Variants in IMMP2L observed in about 807,000 individuals in gnomAD.
The protein encoded by IMMP2L is inner mitochondrial membrane peptidase subunit 2.
Under a neutral mutation model 19.3 loss-of-function variants are expected in IMMP2L, and 18 were observed. The ratio of observed to expected loss-of-function variants is 0.93; its 90% CI spans 0.64 to 1.38. IMMP2L has a LOEUF of 1.38. IMMP2L is among the 40% of genes most tolerant of loss of function. The pLI is 0.00. For missense variants in IMMP2L, 233 were observed against 218.2 expected, an observed-to-expected ratio of 1.07 and a Z score of -0.43; for synonymous variants, 76 against 73.0, an observed-to-expected ratio of 1.04 and a Z score of -0.21.
intron 3 of IMMP2L, among the ~76,000 whole-genome samples, chr7:111,329,412 C>T (rs1825653877): frequency 6.6e-6 from 1 of 151,802 alleles, no homozygotes; most frequent in Non-Finnish European, 1.5e-5. Flanking sequence ...TGTGCTCCTG[C>T]CAGTAGCCTT....
At chr7:110,964,182 T>C (rs1819286706) in intron 3 of IMMP2L, among the ~76,000 whole-genome samples, 1 of 152,080 alleles carries the variant, frequency 6.6e-6, no homozygotes, top group Admixed American at 6.6e-5. Flanking sequence ...ATTAAACCTC[T>C]TTTCTTTATA....
intron 3 of IMMP2L, among the ~76,000 whole-genome samples, chr7:111,046,637 T>G (rs984394623): frequency 6.6e-6 from 1 of 152,148 alleles, no homozygotes; most frequent in Non-Finnish European, 1.5e-5. Flanking sequence ...GAATTAGAAC[T>G]CTATACCAGC....
At chr7:111,528,552 C>T (rs988791423) in intron 1 of IMMP2L, among the ~76,000 whole-genome samples, 6 of 152,184 alleles carry the variant, frequency 3.9e-5, no homozygotes, top group Admixed American at 1.3e-4. Flanking sequence ...CTTGGTGATG[C>T]TGACCTCAAC....
At chr7:110,691,875 A>G (rs1378989291) in intron 5 of IMMP2L, among the ~76,000 whole-genome samples, 1 of 152,206 alleles carries the variant, frequency 6.6e-6, no homozygotes, top group Non-Finnish European at 1.5e-5. Context: ...AATTAGTGCA[A>G]CCTCTGTGGA....
chr7:111,241,578 G>T (rs1815042880), intron 3 of IMMP2L, among the ~76,000 whole-genome samples: 2 of 151,854 alleles, frequency 1.3e-5, no homozygotes, highest in Non-Finnish European at 2.9e-5. Context: ...CAATGTAACT[G>T]CCACACAGAA....
intron 5 of IMMP2L, among the ~76,000 whole-genome samples, chr7:110,771,628 A>C (rs1189160968): frequency 1.3e-5 from 2 of 152,202 alleles, no homozygotes; most frequent in Non-Finnish European, 2.9e-5. Flanking sequence ...ATGTTCACAC[A>C]TAGAATAGTA....
At chr7:111,004,828 A>C (rs1824124993) in intron 3 of IMMP2L, among the ~76,000 whole-genome samples, 2 of 152,174 alleles carry the variant, frequency 1.3e-5, no homozygotes, top group Non-Finnish European at 2.9e-5. Context: ...TTTAGAAATA[A>C]ATCCACTAAT....
At chr7:111,151,056 G>A (rs1350667334) in intron 3 of IMMP2L, among the ~76,000 whole-genome samples, 2 of 152,180 alleles carry the variant, frequency 1.3e-5, no homozygotes, top group Non-Finnish European at 2.9e-5. Flanking sequence ...GAGCAAGCTG[G>A]CCAGTGTGAC....
chr7:110,945,989 G>A (rs1817209728), intron 4 of IMMP2L, among the ~76,000 whole-genome samples: 1 of 152,166 alleles, frequency 6.6e-6, no homozygotes, highest in African/African-American at 2.4e-5. Flanking sequence ...CCTGTGGGAA[G>A]ATAGCACCAT....
intron 5 of IMMP2L, among the ~76,000 whole-genome samples, chr7:110,886,026 T>C (rs2129545464): frequency 6.6e-6 from 1 of 152,124 alleles, no homozygotes; most frequent in East Asian, 1.9e-4. Context: ...GGGTCTTCAT[T>C]TCTTTATGAG....
chr7:110,853,615 T>C (rs1302183061), intron 5 of IMMP2L, among the ~76,000 whole-genome samples: 3 of 152,068 alleles, frequency 2.0e-5, no homozygotes, highest in South Asian at 4.1e-4. Flanking sequence ...TGTTTTCCTA[T>C]ACATGAAGTC....
chr7:111,094,323 G>C (rs1276781377), intron 3 of IMMP2L, among the ~76,000 whole-genome samples: 1 of 152,076 alleles, frequency 6.6e-6, no homozygotes, highest in Non-Finnish European at 1.5e-5. Context: ...GTATCTGTTG[G>C]TGAATCTGAA....
intron 3 of IMMP2L, among the ~76,000 whole-genome samples, chr7:111,423,902 C>CT (rs1170514032): frequency 6.6e-6 from 1 of 151,662 alleles, no homozygotes; most frequent in African/African-American, 2.4e-5. Flanking sequence ...GACAGTGAAA[C>CT]TTTTTTAAGT....
intron 3 of IMMP2L, among the ~76,000 whole-genome samples, chr7:111,009,244 C>T (rs1265621158): frequency 3.9e-5 from 6 of 152,100 alleles, no homozygotes; most frequent in Non-Finnish European, 7.4e-5. Context: ...CTGTTGCAAA[C>T]CATTTCTTCA....
At position 111,545,557 on chromosome 7, in the gene IMMP2L, T is replaced by C. The variant is rs1239263909; in HGVS notation, c.-3+16294A>G. The stretch of plus-strand genomic sequence containing the variant: ...AGGCCACCATTCCCAGCTAACTTTT[T>C]GTATTTTTAGTAGAGACGGGGTTTC... On this transcript the variant is annotated intron_variant, in intron 1 of 5. Transcript: ENST00000405709. Among the ~76,000 whole-genome samples the C allele has an allele frequency of 4.6e-5, 7 of 152,244 alleles. No individual in the cohort carries two copies. The East Asian group carries it at 1.4e-3, about 29-fold the overall frequency.
chr7:111,331,808 C>T (rs539165185), intron 3 of IMMP2L, among the ~76,000 whole-genome samples: 2 of 151,676 alleles, frequency 1.3e-5, no homozygotes, highest in South Asian at 2.1e-4. Flanking sequence ...AAGCTGCCTT[C>T]GAGTATCCAA....
At chr7:111,036,761 C>A (rs1023981828) in intron 3 of IMMP2L, among the ~76,000 whole-genome samples, 1 of 151,964 alleles carries the variant, frequency 6.6e-6, no homozygotes, top group African/African-American at 2.4e-5. Context: ...TTTTTACAAA[C>A]CAGATAACTT....
chr7:111,151,385 T>C (rs1414693448), intron 3 of IMMP2L, among the ~76,000 whole-genome samples: 2 of 152,108 alleles, frequency 1.3e-5, no homozygotes, highest in African/African-American at 4.8e-5. Flanking sequence ...AAATTCAACA[T>C]GTGGGAAACT....
intron 5 of IMMP2L, among the ~76,000 whole-genome samples, chr7:110,671,162 T>A (rs577381425): frequency 1.3e-5 from 2 of 152,320 alleles, no homozygotes; most frequent in African/African-American, 4.8e-5. Flanking sequence ...CTTGCCCCTA[T>A]GGTAGAGTGG....
Sources: allele counts gnomAD v4.1 joint callset (sites outside exome capture counted in the v4.1 genomes callset), GRCh38; gene constraint gnomAD v4.1.1; transcripts MANE v1.5; gene names NCBI Gene and HGNC (gene_info 2026-07-23, HGNC 2026-07-21).